SYTL2: variants seen among roughly 807,000 people sequenced by gnomAD.
The protein encoded by SYTL2 is synaptotagmin-like protein 2.
SYTL2 carries 165 observed loss-of-function variants against 198.7 expected under a neutral mutation model. The observed-to-expected ratio is 0.83, with a 90% confidence interval of 0.73 to 0.94. The LOEUF (loss-of-function observed/expected upper bound fraction) is 0.94, where lower values mean the gene tolerates loss of function less well. Among genes scored for constraint, SYTL2 ranks in the 40% least tolerant of loss-of-function variants. The pLI, the probability that SYTL2 is intolerant of heterozygous loss-of-function variation, is 0.00. For missense variants in SYTL2, 2,835 were observed against 2,582.8 expected (o/e 1.10, Z -2.12); for synonymous variants, 966 against 917.7 (o/e 1.05, Z -0.95).
intron 1 of SYTL2, among the ~76,000 whole-genome samples, chr11:85,797,353 A>G (rs951402304): frequency 2.6e-5 from 4 of 152,048 alleles, no homozygotes; most frequent in Admixed American, 2.6e-4. Flanking sequence ...TTTGGCCAGG[A>G]GCAGTGGCTC....
At position 85,725,475 on chromosome 11, in the gene SYTL2, TG is replaced by T. The variant is rs774642784; in HGVS notation, c.3882del (p.Ser1294ArgfsTer5). 2.6e-5 allele frequency: 42 copies of T among 1,613,994 alleles called. No individual in the cohort carries two copies. The highest frequency in any genetic ancestry group is 3.4e-5 in the Non-Finnish European group (40 of 1,179,986). ...KKAESGECQL[S>X]TQNLIQMAAE... ...GCAGCCATCTGAATCAAATTCTGTGTGCTTAGCTGGCACTCACCACTTTCAG... is the reference window on the plus strand; with the variant it reads ...GCAGCCATCTGAATCAAATTCTGTGTCTTAGCTGGCACTCACCACTTTCAG... On this transcript the variant is annotated frameshift_variant, in exon 8 of 20. Coordinates refer to ENST00000359152, the MANE Select transcript of SYTL2 (RefSeq NM_206927.4). LOFTEE classifies it high-confidence loss of function.
chr11:85,704,974 G>A lies in SYTL2; in HGVS notation c.6073C>T (p.His2025Tyr). The A allele has an allele frequency of 6.2e-7, 1 of 1,613,534 alleles. No homozygotes were observed. Among genetic ancestry groups the A allele is most frequent in the Non-Finnish European group, 8.5e-7 (1 of 1,179,608 alleles). The change falls in exon 16 of 20, where the codon CAT (histidine) becomes TAT (tyrosine). Residue 2025 changes from histidine to tyrosine, a missense_variant. This residue lies in a region of SYTL2 where 2,645 missense variants were observed against 2,381.7 expected (regional missense o/e 1.11). Transcript: ENST00000359152. ...KTQKLNLSIW[H>Y]RDTFKRNSFL... ...CTATTGCGCTTAAATGTATCCCGAT[G>A]CCAAATGGACAGGTTCAATTTCTGT... is the stretch of plus-strand genomic sequence containing the variant.
the SYTL2 span, among the ~76,000 whole-genome samples, chr11:85,838,448 A>G: frequency 6.6e-6 from 1 of 152,178 alleles, no homozygotes; most frequent in Non-Finnish European, 1.5e-5. Flanking sequence ...ATTTATAAAG[A>G]AAAGAGGTTG....
intron 1 of SYTL2, among the ~76,000 whole-genome samples, chr11:85,794,565 T>G (rs1415871904): frequency 6.6e-6 from 1 of 152,112 alleles, no homozygotes; most frequent in Non-Finnish European, 1.5e-5. Context: ...ATCACCAAAC[T>G]CAAAAGAATC....
intron 1 of SYTL2, among the ~76,000 whole-genome samples, chr11:85,799,025 C>T (rs1305190642): frequency 6.6e-6 from 1 of 152,128 alleles, no homozygotes; most frequent in Non-Finnish European, 1.5e-5. Context: ...AGTTTCACAC[C>T]CACTATGTTA....
At chr11:85,803,189 AT>A (rs1334149743) in intron 1 of SYTL2, among the ~76,000 whole-genome samples, 1 of 152,258 alleles carries the variant, frequency 6.6e-6, no homozygotes, top group African/African-American at 2.4e-5. Context: ...AGGTTCAAGA[AT>A]GCATATTATA....
upstream of SYTL2, among the ~76,000 whole-genome samples, chr11:85,813,433 C>T (rs1036959651): frequency 1.3e-5 from 2 of 152,146 alleles, no homozygotes; most frequent in Non-Finnish European, 2.9e-5. Context: ...TTGGTTAACA[C>T]GATCATATCA....
At position 85,700,543 on chromosome 11, in the gene SYTL2, A is replaced by C. The variant is rs1017738986; in HGVS notation, c.6240T>G (p.Ala2080=). Residue 2080 remains alanine (A), a synonymous_variant, in exon 17 of 20, where the codon GCT becomes GCG. Transcript: ENST00000359152. ...GGACTGGCTCTGGGACATACTGGAG[A>C]GCTAGTTTCATTTCACCTCTGTTTT... ...EAENRGEMKL[A]LQYVPEPVPG... is the part of the protein sequence containing the mutation. The C allele has an allele frequency of 1.9e-6, 3 of 1,613,964 alleles. No homozygotes were observed. Among genetic ancestry groups the C allele is most frequent in the African/African-American group, 1.3e-5 (1 of 75,030 alleles).
intron 8 of SYTL2, among the ~76,000 whole-genome samples, chr11:85,722,292 C>T (rs1354144357): frequency 2.0e-5 from 3 of 151,220 alleles, no homozygotes; most frequent in Non-Finnish European, 4.4e-5. Context: ...ATTCTGCTGC[C>T]TCAGCCTCCC....
intron 17 of SYTL2, among the ~76,000 whole-genome samples, chr11:85,699,787 T>C (rs2083980211): frequency 6.6e-6 from 1 of 152,218 alleles, no homozygotes. Flanking sequence ...AGGAGCTGGC[T>C]GGCATTCATT....
rs1260585014 is a variant in SYTL2, at chr11:85,727,925, G to C, written c.1433C>G (p.Pro478Arg). Residue 478 changes from proline (P) to arginine (R), a missense_variant, in exon 8 of 20, where the codon CCA (proline) becomes CGA (arginine). Around this residue, in one of 3 missense-constraint regions of SYTL2, gnomAD observed 2,645 missense variants for 2,381.7 expected, o/e 1.11. Coordinates refer to ENST00000359152, the MANE Select transcript of SYTL2 (RefSeq NM_206927.4). ...CTGACGGTCTCTAGAACTGCCACCTGGCACCTGAGATGGCTCAGGCTCAAC... is the reference window on the plus strand; with the variant it reads ...CTGACGGTCTCTAGAACTGCCACCTCGCACCTGAGATGGCTCAGGCTCAAC... ...HCVEPEPSQV[P>R]GGSSRDRQQG... 4 of 1,613,142 alleles carry C rather than the reference G, an allele frequency of 2.5e-6. No individual in the cohort carries two copies. Among genetic ancestry groups the C allele is most frequent in the African/African-American group, 1.3e-5 (1 of 74,900 alleles).
chr11:85,812,966 G>A (rs1343942542), upstream of SYTL2, among the ~76,000 whole-genome samples: 1 of 152,184 alleles, frequency 6.6e-6, no homozygotes, highest in Non-Finnish European at 1.5e-5. Flanking sequence ...GCTCTGGAGG[G>A]CAGGCACTGG....
chr11:85,792,256 G>T (rs1266342731), intron 1 of SYTL2, among the ~76,000 whole-genome samples: 1 of 151,946 alleles, frequency 6.6e-6, no homozygotes, highest in Non-Finnish European at 1.5e-5. Flanking sequence ...GGTGACTTGG[G>T]GCTCTGCCAA....
chr11:85,743,664 T>C (rs1011666469), intron 4 of SYTL2, among the ~76,000 whole-genome samples: 2 of 152,148 alleles, frequency 1.3e-5, no homozygotes, highest in Non-Finnish European at 2.9e-5. Context: ...AATACTATGT[T>C]ATTAGCCTCA....
intron 7 of SYTL2, chr11:85,733,735 G>A (rs1009254711): frequency 2.1e-5 from 10 of 473,114 alleles, no homozygotes; most frequent in African/African-American, 2.0e-4. Context: ...GAGTAGCTGG[G>A]ACTACAGGCG....
intron 1 of SYTL2, among the ~76,000 whole-genome samples, chr11:85,809,100 T>G (rs764978184): frequency 2.5e-4 from 38 of 152,210 alleles, no homozygotes; most frequent in Non-Finnish European, 5.3e-4. Context: ...GCCTCACATT[T>G]CTACAAGGCA....
At chr11:85,766,905 C>T (rs1017439560) in intron 1 of SYTL2, among the ~76,000 whole-genome samples, 2 of 152,144 alleles carry the variant, frequency 1.3e-5, no homozygotes, top group Non-Finnish European at 2.9e-5. Flanking sequence ...ATTGGGAGTG[C>T]TATCACTTTC....
chr11:85,792,981 G>A (rs1038290750), intron 1 of SYTL2, among the ~76,000 whole-genome samples: 5 of 151,730 alleles, frequency 3.3e-5, no homozygotes, highest in African/African-American at 1.2e-4. Flanking sequence ...TGGCTGCATA[G>A]TATTCCATGG....
chr11:85,779,687 A>G (rs2092525282), intron 1 of SYTL2, among the ~76,000 whole-genome samples: 1 of 151,846 alleles, frequency 6.6e-6, no homozygotes, highest in African/African-American at 2.4e-5. Context: ...TCACACTATC[A>G]TGGAAAACTG....
Sources: gnomAD v4.1 joint callset for allele counts (sites outside exome capture counted in the v4.1 genomes callset) on GRCh38, gnomAD v4.1.1 for gene constraint, gnomAD v4.1.1 regional missense constraint, MANE v1.5 for transcripts, NCBI Gene and HGNC (gene_info 2026-07-23, HGNC 2026-07-21) for gene names.